The following LHFPL3 variants were observed in gnomAD, a reference collection of about 807,000 sequenced individuals.
The protein encoded by LHFPL3 is LHFPL tetraspan subfamily member 3 protein.
Under a neutral mutation model 19.3 loss-of-function variants are expected in LHFPL3, and 5 were observed. That is an observed-to-expected ratio of 0.26 (90% CI 0.14 to 0.54). LHFPL3 has a LOEUF of 0.54. Ranked by LOEUF, LHFPL3 falls within the 20% of genes least tolerant of loss-of-function variation. LHFPL3 has a pLI of 0.94. For missense variants in LHFPL3, 249 were observed against 307.4 expected, an observed-to-expected ratio of 0.81 and a Z score of 1.42; for synonymous variants, 133 against 126.2, an observed-to-expected ratio of 1.05 and a Z score of -0.36.
chr7:104,552,548 T>TA (rs1794680901), intron 1 of LHFPL3, among the ~76,000 whole-genome samples: 1 of 152,164 alleles, frequency 6.6e-6, no homozygotes, highest in Non-Finnish European at 1.5e-5. Context: ...AGGCATCTCT[T>TA]ACTTCCCTCA....
At chr7:104,635,138 G>A (rs1300823634) in intron 1 of LHFPL3, among the ~76,000 whole-genome samples, 1 of 152,004 alleles carries the variant, frequency 6.6e-6, no homozygotes, top group African/African-American at 2.4e-5. Context: ...GGATCTCCTG[G>A]AATATAGAAC....
At chr7:104,897,966 C>A (rs149920378) in intron 2 of LHFPL3, among the ~76,000 whole-genome samples, 3 of 145,456 alleles carry the variant, frequency 2.1e-5, no homozygotes, top group African/African-American at 7.7e-5. Context: ...ACATCACAGG[C>A]AATTTGCTAA....
intron 1 of LHFPL3, among the ~76,000 whole-genome samples, chr7:104,433,608 A>T (rs533243012): frequency 6.6e-6 from 1 of 152,312 alleles, no homozygotes; most frequent in East Asian, 1.9e-4. Flanking sequence ...AAGCCTTGCA[A>T]GCCTCCGTGT....
chr7:104,329,730 A>G (rs1180298353), intron 1 of LHFPL3, among the ~76,000 whole-genome samples: 2 of 152,158 alleles, frequency 1.3e-5, no homozygotes, highest in Non-Finnish European at 2.9e-5. Context: ...CTGGAGTGAT[A>G]CTGTTTCTTT....
At chr7:104,684,190 G>A (rs1421241417) in intron 1 of LHFPL3, among the ~76,000 whole-genome samples, 5 of 152,198 alleles carry the variant, frequency 3.3e-5, no homozygotes, top group Admixed American at 3.3e-4. Flanking sequence ...TCCTAAGGAA[G>A]CTTCTCAGGT....
intron 1 of LHFPL3, among the ~76,000 whole-genome samples, chr7:104,594,386 G>C (rs562117759): frequency 2.5e-4 from 38 of 152,294 alleles, no homozygotes; most frequent in Non-Finnish European, 5.1e-4. Context: ...CTGGCTTGTA[G>C]GGTTTCTGCT....
chr7:104,634,979 A>G (rs1381169239), intron 1 of LHFPL3, among the ~76,000 whole-genome samples: 1 of 152,226 alleles, frequency 6.6e-6, no homozygotes, highest in Non-Finnish European at 1.5e-5. Context: ...ATCAAATGTC[A>G]AAGAAACTGT....
chr7:104,396,355 T>A (rs933699909), intron 1 of LHFPL3, among the ~76,000 whole-genome samples: 6 of 151,922 alleles, frequency 3.9e-5, no homozygotes, highest in African/African-American at 1.5e-4. Context: ...AAAATAGCAA[T>A]GACACAAGAG....
At chr7:104,566,346 G>C (rs961058703) in intron 1 of LHFPL3, among the ~76,000 whole-genome samples, 1 of 151,992 alleles carries the variant, frequency 6.6e-6, no homozygotes. Context: ...GCAAGACCCT[G>C]TCTCTCAAAA....
At chr7:104,470,891 T>A (rs528873555) in intron 1 of LHFPL3, among the ~76,000 whole-genome samples, 19 of 152,264 alleles carry the variant, frequency 1.2e-4, no homozygotes, top group African/African-American at 4.3e-4. Flanking sequence ...ATGGGGTCCT[T>A]TTCTGTGCAA....
chr7:104,794,567 A>G (rs993331960), intron 2 of LHFPL3, among the ~76,000 whole-genome samples: 2 of 152,210 alleles, frequency 1.3e-5, no homozygotes, highest in African/African-American at 4.8e-5. Flanking sequence ...TTCAAGAGCC[A>G]ATGTTTCTTT....
At chr7:104,734,293 G>A (rs1024669448) in intron 1 of LHFPL3, among the ~76,000 whole-genome samples, 10 of 152,170 alleles carry the variant, frequency 6.6e-5, no homozygotes, top group Admixed American at 2.0e-4. Context: ...AAGTTCTCCT[G>A]GATAATATCC....
At chr7:104,903,581 C>T (rs958464419) in intron 2 of LHFPL3, among the ~76,000 whole-genome samples, 2 of 151,718 alleles carry the variant, frequency 1.3e-5, no homozygotes, top group African/African-American at 2.4e-5. Flanking sequence ...TCTCCTGCCT[C>T]AGCCTCCCAA....
chr7:104,383,899 G>C (rs182464456), intron 1 of LHFPL3, among the ~76,000 whole-genome samples: 6 of 152,310 alleles, frequency 3.9e-5, no homozygotes, highest in Admixed American at 3.9e-4. Flanking sequence ...TTATTTTAAA[G>C]AATGTAATCA....
intron 1 of LHFPL3, among the ~76,000 whole-genome samples, chr7:104,685,399 C>T (rs867442176): frequency 5.9e-5 from 9 of 152,182 alleles, no homozygotes; most frequent in African/African-American, 2.2e-4. Context: ...ACCAGTTCAG[C>T]CCCAACCATT....
chr7:104,761,345 G>T (rs927333954), intron 2 of LHFPL3, among the ~76,000 whole-genome samples: 1 of 151,970 alleles, frequency 6.6e-6, no homozygotes. Flanking sequence ...TTTCTAAGTA[G>T]GGAAAAGGTA....
chr7:104,613,839 G>T (rs1196985690), intron 1 of LHFPL3, among the ~76,000 whole-genome samples: 1 of 152,140 alleles, frequency 6.6e-6, no homozygotes, highest in African/African-American at 2.4e-5. Context: ...CAAACAAAAG[G>T]CTGGAGAGTA....
At chr7:104,757,901 T>C (rs888999924) in intron 2 of LHFPL3, among the ~76,000 whole-genome samples, 1 of 152,064 alleles carries the variant, frequency 6.6e-6, no homozygotes, top group Non-Finnish European at 1.5e-5. Flanking sequence ...ACATGTGCAC[T>C]TGTATGTTCA....
chr7:104,688,942 C>G (rs111824329), intron 1 of LHFPL3, among the ~76,000 whole-genome samples: 54,966 of 151,922 alleles, frequency 0.36, 10,152 homozygotes, highest in East Asian at 0.52. Flanking sequence ...TATGGGCCCA[C>G]TAAGCAGGGA....
Sources: allele counts gnomAD v4.1 joint callset (sites outside exome capture counted in the v4.1 genomes callset), GRCh38; gene constraint gnomAD v4.1.1; transcripts MANE v1.5; gene names NCBI Gene and HGNC (gene_info 2026-07-23, HGNC 2026-07-21).